The following CAMK2D variants were observed in gnomAD, a reference collection of about 807,000 sequenced individuals.
CAMK2D encodes the protein calcium/calmodulin-dependent protein kinase type II subunit delta.
In CAMK2D, 37 loss-of-function variants were observed where a neutral mutation model predicts 84.0. The observed-to-expected ratio is 0.44, with a 90% CI of 0.34 to 0.58. The LOEUF is 0.58. Among genes scored for constraint, CAMK2D ranks in the 20% least tolerant of loss-of-function variants. The probability of loss-of-function intolerance (pLI) is 0.02; values close to 1 mark genes in which losing one functional copy is unlikely to be tolerated. For missense variants in CAMK2D, 448 were observed against 652.5 expected (o/e 0.69, Z 3.41); for synonymous variants, 202 against 212.5 (o/e 0.95, Z 0.43).
chr4:113,689,442 A>C (rs2099376286), intron 2 of CAMK2D, among the ~76,000 whole-genome samples: 1 of 152,162 alleles, frequency 6.6e-6, no homozygotes, highest in Admixed American at 6.5e-5. Flanking sequence ...TGCAGAACCC[A>C]ACCTAAGATT....
At chr4:113,668,068 T>C (rs2099264525) in intron 2 of CAMK2D, among the ~76,000 whole-genome samples, 1 of 152,136 alleles carries the variant, frequency 6.6e-6, no homozygotes, top group African/African-American at 2.4e-5. Context: ...CAACCTTGAT[T>C]CTATATGGCC....
At chr4:113,513,401 T>C (rs769617931) in intron 11 of CAMK2D, 31 bp from the exon 12 acceptor site, 1 of 1,402,442 alleles carries the variant, frequency 7.1e-7, no homozygotes, top group Non-Finnish European at 1.0e-6. Flanking sequence ...CAAAAGTCAG[T>C]GTTGCCTATG....
At chr4:113,484,023 C>T (rs1315760141) in intron 16 of CAMK2D, among the ~76,000 whole-genome samples, 2 of 152,088 alleles carry the variant, frequency 1.3e-5, no homozygotes, top group South Asian at 2.1e-4. Context: ...GGGAAGATAC[C>T]GAGAGACTCA....
In CAMK2D at chr4:113,513,813, A is replaced by T; in HGVS notation, c.903+17T>A. On this transcript the variant is annotated intron_variant, in intron 11 of 20. Coordinates refer to ENST00000511664, the MANE Select transcript of CAMK2D (RefSeq NM_001321571.2). ...TCTGTCAAATCTACCTCCCCATAAA[A>T]ATGTAAAATTTCTTACCTTTAGTTT... The T allele has an allele frequency of 7.9e-7, 1 of 1,271,760 alleles. No homozygotes were observed. The highest frequency in any genetic ancestry group is 2.3e-5 in the East Asian group (1 of 43,084). The allele number at this position is 1,271,760 out of a possible 1,614,324, so 78.8% of individuals were successfully genotyped here. A position where few individuals can be genotyped will look rare whatever the true frequency, so the allele number is the denominator to read the frequency against.
At chr4:113,644,812 C>T (rs1561560456) in intron 3 of CAMK2D, among the ~76,000 whole-genome samples, 1 of 152,000 alleles carries the variant, frequency 6.6e-6, no homozygotes, top group Non-Finnish European at 1.5e-5. Context: ...GGCCGGGAGA[C>T]ACAAATAAAG....
intron 4 of CAMK2D, among the ~76,000 whole-genome samples, chr4:113,575,028 C>T (rs941428572): frequency 1.3e-5 from 2 of 152,158 alleles, no homozygotes; most frequent in African/African-American, 2.4e-5. Flanking sequence ...GTTTTAACAG[C>T]CAATTAGGCT....
chr4:113,739,910 G>A (rs1735995475), intron 2 of CAMK2D, among the ~76,000 whole-genome samples: 1 of 151,958 alleles, frequency 6.6e-6, no homozygotes, highest in South Asian at 2.1e-4. Flanking sequence ...ACTAAGCATA[G>A]TACCCAATAA....
chr4:113,629,451 A>G (rs938788688), intron 3 of CAMK2D, among the ~76,000 whole-genome samples: 6 of 152,098 alleles, frequency 3.9e-5, no homozygotes, highest in African/African-American at 1.4e-4. Context: ...TAAATATTAC[A>G]TTCCATACAG....
intron 3 of CAMK2D, among the ~76,000 whole-genome samples, chr4:113,616,623 T>G (rs1035130180): frequency 1.3e-5 from 2 of 152,150 alleles, no homozygotes; most frequent in Non-Finnish European, 2.9e-5. Context: ...TGTATGGGTA[T>G]CAGCCACATC....
At chr4:113,713,685 A>G (rs2099502034) in intron 2 of CAMK2D, among the ~76,000 whole-genome samples, 1 of 151,344 alleles carries the variant, frequency 6.6e-6, no homozygotes, top group Non-Finnish European at 1.5e-5. Context: ...GACAACTTCA[A>G]TCAATTCTTA....
At chr4:113,575,344 T>A (rs1257549298) in intron 4 of CAMK2D, among the ~76,000 whole-genome samples, 1 of 152,190 alleles carries the variant, frequency 6.6e-6, no homozygotes, top group Non-Finnish European at 1.5e-5. Context: ...ACAGGGCTAT[T>A]TTCTTAAATT....
chr4:113,458,268 T>C (rs530814611), intron 18 of CAMK2D, among the ~76,000 whole-genome samples: 2 of 152,326 alleles, frequency 1.3e-5, no homozygotes, highest in East Asian at 3.9e-4. Context: ...CTCCAGCCTC[T>C]GGTTTTGACA....
Position 113,761,665 on chromosome 4 carries a change from C to T in CAMK2D, c.-597G>A, listed in dbSNP as rs1378523014. On this transcript the variant is annotated 5_prime_UTR_variant, in exon 1 of 21. Transcript: ENST00000511664. ...CTCCGGCGGGCGGCAGCGGCTCCGG[C>T]GAAGCGAGGCACCTTGGCGGCCTCG... 3.0e-6 allele frequency: 3 copies of T among 984,994 alleles called. No homozygotes were observed. The highest frequency in any genetic ancestry group is 1.2e-6 in the Non-Finnish European group (1 of 829,690). 61.0% of individuals were successfully genotyped at this position (984,994 alleles called of 1,614,324 possible).
intron 16 of CAMK2D, among the ~76,000 whole-genome samples, chr4:113,477,137 A>G (rs1222926203): frequency 3.9e-5 from 6 of 152,174 alleles, no homozygotes; most frequent in Admixed American, 3.9e-4. Context: ...TTATCTGTAC[A>G]GCAGATGAGA....
intron 4 of CAMK2D, among the ~76,000 whole-genome samples, chr4:113,561,139 A>G (rs975807709): frequency 6.6e-6 from 1 of 152,196 alleles, no homozygotes; most frequent in Non-Finnish European, 1.5e-5. Context: ...TTTGATCTCT[A>G]ACTTTCCTCT....
At chr4:113,656,670 T>C (rs999256233) in intron 3 of CAMK2D, among the ~76,000 whole-genome samples, 2 of 152,102 alleles carry the variant, frequency 1.3e-5, no homozygotes, top group African/African-American at 4.8e-5. Flanking sequence ...TGGCAGTCCA[T>C]CTACTGGTTT....
At chr4:113,755,511 G>A (rs764105132) in intron 2 of CAMK2D, among the ~76,000 whole-genome samples, 14 of 151,860 alleles carry the variant, frequency 9.2e-5, no homozygotes, top group Non-Finnish European at 1.6e-4. Context: ...CAGAATCTAT[G>A]TAATAGTCAA....
In CAMK2D at chr4:113,537,427, A is replaced by C. The variant is rs1189831286; in HGVS notation, c.431T>G (p.Leu144Ter). 1 of 1,605,602 alleles carries C rather than the reference A, an allele frequency of 6.2e-7. No homozygotes were observed. ...HRDLKPENLL[L>*]ASKSKGAAVK... Reference sequence around the variant, plus strand: ...AGCTGCTCCCTTGGATTTGCTAGCTAAAAGCAAATTCTCAGGCTTTATTTA... The same window carrying C: ...AGCTGCTCCCTTGGATTTGCTAGCTCAAAGCAAATTCTCAGGCTTTATTTA... Residue 144 changes from leucine (L) to a stop codon, truncating the protein, a stop_gained, in exon 7 of 21, where the codon TTA becomes TGA. Coordinates refer to ENST00000511664, the MANE Select transcript of CAMK2D (RefSeq NM_001321571.2). LOFTEE classifies it high-confidence loss of function.
intron 8 of CAMK2D, among the ~76,000 whole-genome samples, chr4:113,521,339 C>A (rs1358047684): frequency 6.6e-6 from 1 of 152,140 alleles, no homozygotes; most frequent in Non-Finnish European, 1.5e-5. Flanking sequence ...TGGCTAGTGC[C>A]AGCCTCCTCA....
Sources: gnomAD v4.1 joint callset for allele counts (sites outside exome capture counted in the v4.1 genomes callset) on GRCh38, gnomAD v4.1.1 for gene constraint, MANE v1.5 for transcripts, NCBI Gene and HGNC (gene_info 2026-07-23, HGNC 2026-07-21) for gene names.